Variants in PACRG observed in about 807,000 individuals in gnomAD.
PACRG encodes the protein parkin coregulated.
Under a neutral mutation model 29.7 loss-of-function variants are expected in PACRG, and 29 were observed. The ratio of observed to expected loss-of-function variants is 0.98; its 90% CI spans 0.73 to 1.33. The LOEUF is 1.33. Among genes scored for constraint, PACRG ranks in the 40% most tolerant of loss-of-function variants. The pLI, the probability that PACRG is intolerant of heterozygous loss-of-function variation, is 0.00. For missense variants in PACRG, 279 were observed against 316.2 expected (o/e 0.88, Z 0.89); for synonymous variants, 116 against 118.7 (o/e 0.98, Z 0.15).
chr6:162,848,701 G>A (rs1053411619), intron 2 of PACRG, among the ~76,000 whole-genome samples: 5 of 152,228 alleles, frequency 3.3e-5, no homozygotes, highest in Non-Finnish European at 7.3e-5. Flanking sequence ...TGGTAGTTCT[G>A]TTGCCTTAGT....
At chr6:162,870,195 T>G (rs1343056449) in intron 2 of PACRG, among the ~76,000 whole-genome samples, 1 of 152,224 alleles carries the variant, frequency 6.6e-6, no homozygotes, top group African/African-American at 2.4e-5. Context: ...AGATGTATTT[T>G]TCACATGCAG....
At chr6:162,735,064 A>T (rs539460034) in intron 1 of PACRG, among the ~76,000 whole-genome samples, 1 of 152,304 alleles carries the variant, frequency 6.6e-6, no homozygotes, top group East Asian at 1.9e-4. Flanking sequence ...GCATACAACT[A>T]TAGTTGTAAG....
intron 1 of PACRG, among the ~76,000 whole-genome samples, chr6:162,775,379 A>T (rs894503492): frequency 2.0e-5 from 3 of 152,246 alleles, no homozygotes; most frequent in Non-Finnish European, 4.4e-5. Context: ...TAGTAATCAA[A>T]ACATTTTAGA....
At chr6:162,987,921 T>C (rs1371785129) in intron 2 of PACRG, among the ~76,000 whole-genome samples, 3 of 152,198 alleles carry the variant, frequency 2.0e-5, no homozygotes, top group Non-Finnish European at 2.9e-5. Flanking sequence ...GAATTAGCTG[T>C]TGTTTTCTCC....
At chr6:163,282,970 G>T (rs1472778220) in intron 4 of PACRG, among the ~76,000 whole-genome samples, 1 of 152,134 alleles carries the variant, frequency 6.6e-6, no homozygotes, top group East Asian at 1.9e-4. Flanking sequence ...AATTTTAGTG[G>T]TTATCATTTT....
chr6:163,038,235 C>A (rs938924222), intron 2 of PACRG, among the ~76,000 whole-genome samples: 12 of 152,180 alleles, frequency 7.9e-5, no homozygotes, highest in African/African-American at 2.9e-4. Flanking sequence ...AGTATGATTT[C>A]ATAAAGAATA....
chr6:163,104,959 A>G (rs1562918505), intron 4 of PACRG, among the ~76,000 whole-genome samples: 1 of 152,184 alleles, frequency 6.6e-6, no homozygotes, highest in African/African-American at 2.4e-5. Flanking sequence ...CTCTTATACT[A>G]TTTATGAAGT....
chr6:163,171,686 C>T (rs563363933), intron 4 of PACRG, among the ~76,000 whole-genome samples: 1 of 152,296 alleles, frequency 6.6e-6, no homozygotes, highest in African/African-American at 2.4e-5. Context: ...CAGCTGTGGC[C>T]AGCTGGGCAG....
chr6:163,161,128 G>A (rs573558852), intron 4 of PACRG, among the ~76,000 whole-genome samples: 159 of 152,022 alleles, frequency 1.0e-3, no homozygotes, highest in African/African-American at 3.7e-3. Context: ...TCAACATCAC[G>A]TATACTTGGC....
At chr6:163,135,825 C>T (rs1816914979) in intron 4 of PACRG, among the ~76,000 whole-genome samples, 1 of 152,202 alleles carries the variant, frequency 6.6e-6, no homozygotes, top group African/African-American at 2.4e-5. Context: ...CATCTGAATC[C>T]TTGTTAAACA....
intron 2 of PACRG, among the ~76,000 whole-genome samples, chr6:162,945,921 T>G (rs981455421): frequency 2.0e-5 from 3 of 152,040 alleles, no homozygotes; most frequent in Admixed American, 1.3e-4. Flanking sequence ...CACTGGGTCA[T>G]GGAAGAAGTT....
Position 162,802,203 on chromosome 6 carries a change from A to AT in PACRG, c.157-11939dup, listed in dbSNP as rs1785935209. ...CTTGGAGCTAATGTATTTGAGTTGT[A>AT]TTTTTCCCCGCTCGTACTAAACCTA... On this transcript the variant is annotated intron_variant, in intron 1 of 4. Coordinates refer to ENST00000366888, the MANE Select transcript of PACRG (RefSeq NM_001080379.2). Among the ~76,000 whole-genome samples, 3 of 152,222 alleles carry AT rather than the reference A, an allele frequency of 2.0e-5. No individual in the cohort carries two copies. The South Asian group carries it at 6.2e-4, about 32-fold the overall frequency.
At chr6:163,302,590 A>G (rs1483664826) in intron 4 of PACRG, among the ~76,000 whole-genome samples, 1 of 152,224 alleles carries the variant, frequency 6.6e-6, no homozygotes, top group Non-Finnish European at 1.5e-5. Flanking sequence ...TGTTTGCATT[A>G]CTTGAGTTCA....
intron 3 of PACRG, among the ~76,000 whole-genome samples, chr6:163,074,422 C>T (rs189633463): frequency 3.3e-5 from 5 of 151,980 alleles, no homozygotes; most frequent in Admixed American, 2.0e-4. Context: ...TTACCAGATG[C>T]GAGGGGAGTA....
chr6:162,852,775 G>A (rs1791034262), intron 2 of PACRG, among the ~76,000 whole-genome samples: 1 of 152,206 alleles, frequency 6.6e-6, no homozygotes, highest in African/African-American at 2.4e-5. Flanking sequence ...TTTTAACAAT[G>A]TGACTCAATT....
chr6:163,089,364 A>G lies in PACRG; in HGVS notation c.569A>G (p.Tyr190Cys), dbSNP rs757917371. 2.5e-5 allele frequency: 40 copies of G among 1,614,016 alleles called. No individual in the cohort carries two copies. Among genetic ancestry groups the G allele is most frequent in the Non-Finnish European group, 3.3e-5 (39 of 1,180,030 alleles). The change falls in exon 4 of 5, where the codon TAC becomes TGC. Residue 190 changes from tyrosine (Y) to cysteine (C), a missense_variant. By Grantham distance (194) the Tyr-to-Cys change is radical (BLOSUM62 -2). Coordinates refer to ENST00000366888, the MANE Select transcript of PACRG (RefSeq NM_001080379.2). ...EMVGKALVPY[Y>C]RQILPVLNIF... ...GTGGGCAAGGCCTTGGTGCCTTATTACCGTCAAATCCTCCCTGTCCTGAAC... is the reference window on the plus strand; with the variant it reads ...GTGGGCAAGGCCTTGGTGCCTTATTGCCGTCAAATCCTCCCTGTCCTGAAC...
intron 2 of PACRG, among the ~76,000 whole-genome samples, chr6:163,039,927 A>G (rs1283446775): frequency 6.6e-6 from 1 of 152,238 alleles, no homozygotes; most frequent in East Asian, 1.9e-4. Context: ...GAGGAACTCA[A>G]GCTGGCTGCA....
At chr6:162,793,367 A>C (rs975040532) in intron 1 of PACRG, among the ~76,000 whole-genome samples, 1 of 152,144 alleles carries the variant, frequency 6.6e-6, no homozygotes, top group Admixed American at 6.6e-5. Context: ...TTTTTATTTT[A>C]TTTTTATTTT....
At chr6:162,885,780 G>A (rs1046924783) in intron 2 of PACRG, among the ~76,000 whole-genome samples, 13 of 151,962 alleles carry the variant, frequency 8.6e-5, no homozygotes, top group African/African-American at 3.1e-4. Context: ...ATGTGTGTGT[G>A]TGTGTGTGTA....
Sources: gnomAD v4.1 joint callset for allele counts (sites outside exome capture counted in the v4.1 genomes callset) on GRCh38, gnomAD v4.1.1 for gene constraint, MANE v1.5 for transcripts, NCBI Gene and HGNC (gene_info 2026-07-23, HGNC 2026-07-21) for gene names.